The following RALY variants were observed in gnomAD, a reference collection of about 807,000 sequenced individuals.
RALY encodes the protein RALY heterogeneous nuclear ribonucleoprotein.
RALY carries 15 observed loss-of-function variants against 30.7 expected under a neutral mutation model. That is an observed-to-expected ratio of 0.49 (90% CI 0.33 to 0.75). RALY has a LOEUF of 0.75. Ranked by LOEUF, RALY falls within the 30% of genes least tolerant of loss-of-function variation. The pLI is 0.02. For missense variants in RALY, 339 were observed against 414.3 expected (o/e 0.82, Z 1.58); for synonymous variants, 177 against 170.8 (o/e 1.04, Z -0.28).
chr20:34,055,990 A>AT (rs907898855), intron 2 of RALY, among the ~76,000 whole-genome samples: 1 of 152,158 alleles, frequency 6.6e-6, no homozygotes, highest in African/African-American at 2.4e-5. Flanking sequence ...CAGGGGTTGG[A>AT]TTGGTGGTTC....
intron 1 of RALY, among the ~76,000 whole-genome samples, chr20:34,002,930 C>G (rs1347226847): frequency 2.6e-5 from 4 of 152,118 alleles, no homozygotes; most frequent in East Asian, 3.8e-4. Flanking sequence ...GTGGAATTAT[C>G]TGAGGTGTGG....
chr20:34,028,883 A>G (rs1387401822), intron 1 of RALY, among the ~76,000 whole-genome samples: 1 of 152,098 alleles, frequency 6.6e-6, no homozygotes, highest in Non-Finnish European at 1.5e-5. Flanking sequence ...AGAGCTGGAA[A>G]GCCCACGGTA....
chr20:34,067,167 C>G (rs566086540), intron 2 of RALY, among the ~76,000 whole-genome samples: 1 of 152,282 alleles, frequency 6.6e-6, no homozygotes, highest in Admixed American at 6.5e-5. Flanking sequence ...TAATACTGTG[C>G]AGCATTCAGT....
In RALY at chr20:34,003,277, C is replaced by T. The variant is rs938756647; in HGVS notation, c.-93+9146C>T. Among the ~76,000 whole-genome samples the T allele has an allele frequency of 4.6e-5, 7 of 152,166 alleles. No homozygotes were observed. The South Asian group carries it at 6.2e-4, about 14-fold the overall frequency. ...TTTCTCATCTGTGAAGTGGGGTTAA[C>T]ACTCCATATCTTGCCTTCCTCACAA... is the stretch of plus-strand genomic sequence containing the variant. On this transcript the variant is annotated intron_variant, in intron 1 of 9. Transcript: ENST00000246194.
intron 1 of RALY, among the ~76,000 whole-genome samples, chr20:34,007,393 C>T (rs866945803): frequency 6.6e-6 from 1 of 151,956 alleles, no homozygotes; most frequent in Non-Finnish European, 1.5e-5. Flanking sequence ...TGGTGGCGGG[C>T]GCCTGTAGTC....
intron 2 of RALY, among the ~76,000 whole-genome samples, chr20:34,053,269 G>T (rs951426165): frequency 1.3e-5 from 2 of 151,784 alleles, no homozygotes; most frequent in Admixed American, 6.6e-5. Context: ...ATCATATGAG[G>T]ACGTTAAGGT....
At chr20:34,006,908 C>A (rs2284380) in intron 1 of RALY, among the ~76,000 whole-genome samples, 1 of 152,040 alleles carries the variant, frequency 6.6e-6, no homozygotes, top group Non-Finnish European at 1.5e-5. Context: ...AGTTATCCCC[C>A]CCATTATTTG....
intron 1 of RALY, among the ~76,000 whole-genome samples, chr20:34,014,436 C>T (rs1475723644): frequency 6.6e-6 from 1 of 152,142 alleles, no homozygotes; most frequent in Non-Finnish European, 1.5e-5. Flanking sequence ...TTTCATAATT[C>T]TGCGGGTAAA....
intron 8 of RALY, chr20:34,077,583 G>C: frequency 2.4e-6 from 1 of 412,414 alleles, no homozygotes; most frequent in South Asian, 2.4e-5. Context: ...GGGGTGGCTT[G>C]TGGAGGCCAC....
At chr20:34,027,581 A>AT (rs1045304270) in intron 1 of RALY, among the ~76,000 whole-genome samples, 1 of 152,160 alleles carries the variant, frequency 6.6e-6, no homozygotes, top group African/African-American at 2.4e-5. Context: ...ATTATTAGTA[A>AT]TTTTTTGTGG....
At position 34,076,645 on chromosome 20, in the gene RALY, G is replaced by A. The variant is rs1169747245; in HGVS notation, c.545-57G>A. On this transcript the variant is annotated intron_variant, in intron 6 of 9. Transcript: ENST00000246194. The stretch of plus-strand genomic sequence containing the variant: ...TGAAAGAACAGGGCTGAGGTTTTGT[G>A]CTAGTGTCAAGCCTCCAGCCCCCTA... 3.5e-6 allele frequency: 5 copies of A among 1,424,882 alleles called. No individual in the cohort carries two copies. The Admixed American group carries it at 7.1e-5, about 20-fold the overall frequency. The allele number at this position is 1,424,882 out of a possible 1,614,324, so 88.3% of individuals were successfully genotyped here.
chr20:34,012,773 T>C (rs970534493), intron 1 of RALY, among the ~76,000 whole-genome samples: 2 of 152,244 alleles, frequency 1.3e-5, no homozygotes, highest in Non-Finnish European at 2.9e-5. Flanking sequence ...GCTCATGCAG[T>C]CTGGTGCCAT....
chr20:33,996,636 G>A (rs188437191), intron 1 of RALY, among the ~76,000 whole-genome samples: 2 of 151,252 alleles, frequency 1.3e-5, no homozygotes, highest in African/African-American at 4.9e-5. Context: ...AAAAAATTGT[G>A]GTAAAATATA....
intron 2 of RALY, among the ~76,000 whole-genome samples, chr20:34,043,342 T>C (rs148290622): frequency 1.0e-3 from 158 of 152,384 alleles, no homozygotes; most frequent in African/African-American, 3.6e-3. Context: ...GCTTTCATTA[T>C]GTGGTTTTGT....
chr20:33,999,876 C>T (rs1017818251), intron 1 of RALY, among the ~76,000 whole-genome samples: 1 of 152,002 alleles, frequency 6.6e-6, no homozygotes, highest in Non-Finnish European at 1.5e-5. Context: ...TAGGTTTATT[C>T]ATCTGAATAA....
At chr20:34,032,479 C>G (rs1307792216) in intron 2 of RALY, among the ~76,000 whole-genome samples, 1 of 150,226 alleles carries the variant, frequency 6.7e-6, no homozygotes, top group Non-Finnish European at 1.5e-5. Flanking sequence ...TGTTACTGAT[C>G]TCAATCTAGA....
chr20:34,075,816 A>G, intron 5 of RALY, 58 bp from the exon 6 acceptor site: 2 of 1,549,426 alleles, frequency 1.3e-6, no homozygotes, highest in Non-Finnish European at 1.8e-6. Flanking sequence ...CCGGAGCTGC[A>G]ATACCGCCCT....
intron 2 of RALY, among the ~76,000 whole-genome samples, chr20:34,044,590 G>A (rs11907923): frequency 0.053 from 8,021 of 152,072 alleles, 707 homozygotes; most frequent in African/African-American, 0.18. Context: ...CGCCTGCCTC[G>A]GCCTCCCGAA....
chr20:34,033,757 T>C (rs1218853476), intron 2 of RALY, among the ~76,000 whole-genome samples: 2 of 152,140 alleles, frequency 1.3e-5, no homozygotes, highest in African/African-American at 2.4e-5. Context: ...ATCCAAAATA[T>C]AGCAGTATCT....
Sources: allele counts gnomAD v4.1 joint callset (sites outside exome capture counted in the v4.1 genomes callset), GRCh38; gene constraint gnomAD v4.1.1; transcripts MANE v1.5; gene names NCBI Gene and HGNC (gene_info 2026-07-23, HGNC 2026-07-21).